CLMP: variants seen among roughly 807,000 people sequenced by gnomAD.
CLMP encodes the protein CXADR like cell adhesion molecule.
CLMP carries 27 observed loss-of-function variants against 45.2 expected under a neutral mutation model. The observed-to-expected ratio is 0.60, with a 90% CI of 0.44 to 0.82. The LOEUF (loss-of-function observed/expected upper bound fraction) is 0.82. Among genes scored for constraint, CLMP ranks in the 40% least tolerant of loss-of-function variants. The probability of loss-of-function intolerance (pLI) is 0.00; values close to 1 mark genes in which losing one functional copy is unlikely to be tolerated. For missense variants in CLMP, 403 were observed against 448.4 expected (o/e 0.90, Z 0.91); for synonymous variants, 167 against 171.4 (o/e 0.97, Z 0.20).
intron 1 of CLMP, among the ~76,000 whole-genome samples, chr11:123,173,629 T>C (rs1861663388): frequency 1.3e-5 from 2 of 152,206 alleles, no homozygotes; most frequent in Non-Finnish European, 1.5e-5. Flanking sequence ...TTTCTTAACC[T>C]CTAAGAGCCT....
chr11:123,118,534 T>C (rs144000861), intron 1 of CLMP, among the ~76,000 whole-genome samples: 40 of 152,340 alleles, frequency 2.6e-4, no homozygotes, highest in African/African-American at 8.9e-4. Flanking sequence ...TTGGAGCTTC[T>C]TTTCTGCCAG....
intron 1 of CLMP, among the ~76,000 whole-genome samples, chr11:123,099,565 T>C (rs1866031002): frequency 6.6e-6 from 1 of 152,116 alleles, no homozygotes; most frequent in African/African-American, 2.4e-5. Context: ...TTTATTTTAT[T>C]ATGGAGAAGG....
intron 1 of CLMP, among the ~76,000 whole-genome samples, chr11:123,105,353 TTCCCTCCCTCCCTCCCTCCCTCCC>T (rs377721480): frequency 2.9e-5 from 3 of 104,124 alleles, no homozygotes; most frequent in Admixed American, 1.1e-4. Context: ...TTTCCTTCCC[TTCCCTCCCTCCCTCCCTCCCTCCC>T]TCCCTCCCTT....
chr11:123,151,625 A>G (rs776226499), intron 1 of CLMP, among the ~76,000 whole-genome samples: 5 of 152,232 alleles, frequency 3.3e-5, no homozygotes, highest in Non-Finnish European at 5.9e-5. Flanking sequence ...TTACAGGGTA[A>G]TATACTAAAT....
At chr11:123,114,603 C>T (rs577287009) in intron 1 of CLMP, among the ~76,000 whole-genome samples, 1 of 152,032 alleles carries the variant, frequency 6.6e-6, no homozygotes, top group African/African-American at 2.4e-5. Flanking sequence ...CCACTCCCAG[C>T]CCTGCATTTT....
intron 1 of CLMP, among the ~76,000 whole-genome samples, chr11:123,118,973 CTTTCTTTCTTTCTT>C (rs1565387789): frequency 4.2e-5 from 2 of 47,756 alleles, no homozygotes; most frequent in African/African-American, 1.9e-4. Context: ...TTCTTTCTTT[CTTTCTTTCTTTCTT>C]TCTTTCTTTC....
chr11:123,188,080 A>T (rs1451172730), intron 1 of CLMP, among the ~76,000 whole-genome samples: 1 of 152,160 alleles, frequency 6.6e-6, no homozygotes, highest in African/African-American at 2.4e-5. Flanking sequence ...CATGTATCTG[A>T]CATTCCTTGT....
intron 1 of CLMP, among the ~76,000 whole-genome samples, chr11:123,170,484 A>G (rs1461201105): frequency 6.6e-6 from 1 of 150,572 alleles, no homozygotes; most frequent in African/African-American, 2.5e-5. Flanking sequence ...CTGTTGCCCA[A>G]GCTGGAGTGA....
At chr11:123,126,222 C>G (rs188744282) in intron 1 of CLMP, among the ~76,000 whole-genome samples, 5 of 152,140 alleles carry the variant, frequency 3.3e-5, no homozygotes, top group Admixed American at 6.5e-5. Context: ...TTTTCTCCTA[C>G]TGCATGTTAA....
intron 1 of CLMP, among the ~76,000 whole-genome samples, chr11:123,133,495 C>T (rs901940689): frequency 6.6e-6 from 1 of 152,118 alleles, no homozygotes; most frequent in Non-Finnish European, 1.5e-5. Flanking sequence ...ATTGATTCCC[C>T]TACCTTGTTT....
chr11:123,127,692 T>C (rs979595108), intron 1 of CLMP, among the ~76,000 whole-genome samples: 3 of 152,100 alleles, frequency 2.0e-5, no homozygotes, highest in Admixed American at 2.0e-4. Flanking sequence ...GTACCACTCA[T>C]GAACTTACAT....
chr11:123,134,483 G>A (rs1343113247), intron 1 of CLMP, among the ~76,000 whole-genome samples: 1 of 151,338 alleles, frequency 6.6e-6, no homozygotes, highest in African/African-American at 2.4e-5. Flanking sequence ...GAGCCATTGG[G>A]GTTTTTAAGC....
intron 1 of CLMP, among the ~76,000 whole-genome samples, chr11:123,138,100 C>T (rs959282423): frequency 2.0e-5 from 3 of 152,066 alleles, no homozygotes; most frequent in African/African-American, 7.2e-5. Flanking sequence ...GCTTCTCCAG[C>T]TCTGTCCCTA....
chr11:123,135,629 C>A (rs1018784482), intron 1 of CLMP, among the ~76,000 whole-genome samples: 1 of 152,100 alleles, frequency 6.6e-6, no homozygotes, highest in African/African-American at 2.4e-5. Flanking sequence ...CAGCATATTT[C>A]TTTTCTCTGC....
intron 2 of CLMP, among the ~76,000 whole-genome samples, chr11:123,095,610 G>A (rs754563372): frequency 1.1e-4 from 17 of 152,076 alleles, no homozygotes; most frequent in Non-Finnish European, 1.5e-4. Context: ...TTCAAGAGGC[G>A]CCATGGTAAT....
chr11:123,139,549 G>A (rs1485402211), intron 1 of CLMP, among the ~76,000 whole-genome samples: 3 of 152,104 alleles, frequency 2.0e-5, no homozygotes, highest in East Asian at 1.9e-4. Context: ...TAGAAGGGTC[G>A]GGCGCTGTGG....
rs7951533 is a variant in CLMP at position 123,119,062 on chromosome 11, T to C, written c.29-21110A>G. Among the ~76,000 whole-genome samples the C allele has an allele frequency of 7.5e-3, 335 of 44,452 alleles. 31 individuals carry two copies. Among genetic ancestry groups the C allele is most frequent in the African/African-American group, 0.013 (77 of 6,088 alleles). 29.2% of individuals were successfully genotyped at this position (44,452 alleles called of 152,430 possible). On this transcript the variant is annotated intron_variant, in intron 1 of 6. Transcript: ENST00000448775. ...CTCTCTCTCCCTCTCCCTCTCTCTC[T>C]CTCTCTCTCTCTCTCTCTCTCTCTC...
intron 1 of CLMP, among the ~76,000 whole-genome samples, chr11:123,192,524 A>T (rs1861921236): frequency 6.6e-6 from 1 of 152,146 alleles, no homozygotes; most frequent in African/African-American, 2.4e-5. Flanking sequence ...CAGCTACTAT[A>T]GTCATCCAGG....
intron 1 of CLMP, among the ~76,000 whole-genome samples, chr11:123,154,725 G>A (rs1199123745): frequency 6.6e-6 from 1 of 152,046 alleles, no homozygotes; most frequent in Non-Finnish European, 1.5e-5. Flanking sequence ...TCATTTTTCT[G>A]GGTCCCTAAA....
Sources: gnomAD v4.1 joint callset for allele counts (sites outside exome capture counted in the v4.1 genomes callset) on GRCh38, gnomAD v4.1.1 for gene constraint, MANE v1.5 for transcripts, NCBI Gene and HGNC (gene_info 2026-07-23, HGNC 2026-07-21) for gene names.